Variants in AGBL1 observed in about 807,000 individuals in gnomAD.
The protein encoded by AGBL1 is AGBL carboxypeptidase 1, also known as cytosolic carboxypeptidase 4.
In AGBL1, 130 loss-of-function variants were observed where a neutral mutation model predicts 118.9. The ratio of observed to expected loss-of-function variants is 1.09; its 90% confidence interval spans 0.95 to 1.26. The LOEUF is 1.26. AGBL1 is among the 50% of genes most tolerant of loss of function. The probability of loss-of-function intolerance (pLI) is 0.00; values close to 1 mark genes in which losing one functional copy is unlikely to be tolerated. For synonymous variants in AGBL1, 555 were observed against 478.9 expected (o/e 1.16, Z -2.08); for missense variants, 1,584 against 1,298.1 (o/e 1.22, Z -3.38).
At chr15:86,540,320 G>A (rs1468385522) in intron 19 of AGBL1, among the ~76,000 whole-genome samples, 1 of 152,152 alleles carries the variant, frequency 6.6e-6, no homozygotes, top group African/African-American at 2.4e-5. Flanking sequence ...GAGGTGGGGA[G>A]CGGTGGCTCA....
At chr15:86,156,577 G>A (rs1408413275) in intron 4 of AGBL1, among the ~76,000 whole-genome samples, 1 of 152,100 alleles carries the variant, frequency 6.6e-6, no homozygotes, top group African/African-American at 2.4e-5. Context: ...TTGGTAGATG[G>A]GGTGAATGGG....
At chr15:86,581,555 C>G (rs1215698793) in intron 21 of AGBL1, among the ~76,000 whole-genome samples, 1 of 152,126 alleles carries the variant, frequency 6.6e-6, no homozygotes, top group Non-Finnish European at 1.5e-5. Flanking sequence ...TTTTATCATT[C>G]ATTTGAAATC....
intron 22 of AGBL1, among the ~76,000 whole-genome samples, chr15:86,792,331 G>T (rs990941238): frequency 6.6e-6 from 1 of 152,024 alleles, no homozygotes; most frequent in African/African-American, 2.4e-5. Context: ...AGAATAATTT[G>T]TTTATTAGCA....
intron 21 of AGBL1, among the ~76,000 whole-genome samples, chr15:86,663,233 G>T (rs2085578302): frequency 6.6e-6 from 1 of 152,170 alleles, no homozygotes. Flanking sequence ...AAACCCAAGG[G>T]TTAAAGCCAA....
intron 21 of AGBL1, among the ~76,000 whole-genome samples, chr15:86,647,249 G>A (rs747266260): frequency 6.6e-6 from 1 of 151,758 alleles, no homozygotes; most frequent in Non-Finnish European, 1.5e-5. Context: ...AGTAGAAATG[G>A]ACAATAAAAC....
intron 24 of AGBL1, among the ~76,000 whole-genome samples, chr15:87,024,568 G>T (rs1480452186): frequency 2.6e-5 from 4 of 151,982 alleles, no homozygotes; most frequent in Non-Finnish European, 5.9e-5. Context: ...ATTCAAAGAA[G>T]AATTGCTACC....
chr15:86,332,993 A>G (rs962286494), intron 17 of AGBL1, among the ~76,000 whole-genome samples: 1 of 152,218 alleles, frequency 6.6e-6, no homozygotes, highest in African/African-American at 2.4e-5. Context: ...TTTGAAATAA[A>G]TGAACACCGA....
intron 17 of AGBL1, among the ~76,000 whole-genome samples, chr15:86,315,717 CAAAAA>C (rs35136419): frequency 7.8e-6 from 1 of 127,502 alleles, no homozygotes; most frequent in Admixed American, 8.2e-5. Flanking sequence ...GACTTTTTCT[CAAAAA>C]AAAAAAAAAA....
chr15:86,934,701 A>AG (rs36109067), intron 23 of AGBL1, among the ~76,000 whole-genome samples: 102,904 of 151,946 alleles, frequency 0.68, 35,687 homozygotes, highest in South Asian at 0.86. Flanking sequence ...CAGTACTTCA[A>AG]CAGTATCTGG....
At chr15:86,867,664 A>G (rs2079651379) in intron 22 of AGBL1, among the ~76,000 whole-genome samples, 2 of 152,176 alleles carry the variant, frequency 1.3e-5, no homozygotes, top group Admixed American at 1.3e-4. Context: ...GGTGGGGCTT[A>G]TAGTGCTAGA....
At chr15:86,684,943 T>G (rs1184235691) in intron 22 of AGBL1, among the ~76,000 whole-genome samples, 1 of 152,168 alleles carries the variant, frequency 6.6e-6, no homozygotes, top group Non-Finnish European at 1.5e-5. Flanking sequence ...AAATTAAATT[T>G]TATTTTTATG....
chr15:86,215,312 C>T (rs534668966), intron 5 of AGBL1, among the ~76,000 whole-genome samples: 10 of 151,570 alleles, frequency 6.6e-5, no homozygotes, highest in African/African-American at 1.5e-4. Context: ...AGGAGGCCGG[C>T]GCTGTAGCAG....
intron 22 of AGBL1, among the ~76,000 whole-genome samples, chr15:86,776,801 A>G (rs2078263261): frequency 1.3e-5 from 2 of 149,814 alleles, no homozygotes; most frequent in African/African-American, 4.9e-5. Flanking sequence ...AGAGAGAGAG[A>G]GAATTAAGGG....
intron 18 of AGBL1, among the ~76,000 whole-genome samples, chr15:86,427,887 G>A (rs2081887131): frequency 6.6e-6 from 1 of 152,124 alleles, no homozygotes; most frequent in East Asian, 1.9e-4. Context: ...GAACATGATA[G>A]AAGTTTGCAA....
intron 22 of AGBL1, among the ~76,000 whole-genome samples, chr15:86,816,407 T>A (rs190304569): frequency 6.6e-6 from 1 of 152,340 alleles, no homozygotes; most frequent in Non-Finnish European, 1.5e-5. Flanking sequence ...CAAGATTCTT[T>A]AATGCCATTG....
chr15:86,132,739 G>A (rs890128726), intron 1 of AGBL1, among the ~76,000 whole-genome samples: 12 of 152,114 alleles, frequency 7.9e-5, no homozygotes, highest in South Asian at 6.2e-4. Flanking sequence ...CGAACGTGCC[G>A]GGCATTGTTG....
chr15:86,195,196 G>A (rs1300028296), intron 5 of AGBL1, among the ~76,000 whole-genome samples: 1 of 152,122 alleles, frequency 6.6e-6, no homozygotes, highest in Non-Finnish European at 1.5e-5. Flanking sequence ...AGATCTATAG[G>A]AAAGACAGAT....
At chr15:87,029,551 T>C (rs1258172045), downstream of AGBL1, among the ~76,000 whole-genome samples, 1 of 151,954 alleles carries the variant, frequency 6.6e-6, no homozygotes, top group African/African-American at 2.4e-5. Flanking sequence ...CCTTCATTGG[T>C]ACTTATGTAT....
intron 1 of AGBL1, among the ~76,000 whole-genome samples, chr15:86,099,894 C>T (rs1240414708): frequency 1.3e-5 from 2 of 152,076 alleles, no homozygotes; most frequent in African/African-American, 4.8e-5. Context: ...CAAAAATGGG[C>T]ATCTTGTCTT....
Sources: gnomAD v4.1 joint callset for allele counts (sites outside exome capture counted in the v4.1 genomes callset) on GRCh38, gnomAD v4.1.1 for gene constraint, MANE v1.5 for transcripts, NCBI Gene and HGNC (gene_info 2026-07-23, HGNC 2026-07-21) for gene names.